Variants in CLCC1 observed in about 807,000 individuals in gnomAD.
The protein encoded by CLCC1 is chloride channel CLIC like 1.
A neutral mutation model predicts 63.3 loss-of-function variants in CLCC1; 39 were observed. The ratio of observed to expected loss-of-function variants is 0.62; its 90% CI spans 0.48 to 0.81. The LOEUF (loss-of-function observed/expected upper bound fraction) is 0.81, where lower values mean the gene tolerates loss of function less well. Ranked by LOEUF, CLCC1 falls within the 30% of genes least tolerant of loss-of-function variation. The pLI is 0.00. For missense variants in CLCC1, 549 were observed against 669.4 expected (o/e 0.82, Z 1.98); for synonymous variants, 217 against 239.8 (o/e 0.90, Z 0.88).
At chr1:108,947,122 C>T (rs1028773239) in intron 5 of CLCC1, among the ~76,000 whole-genome samples, 3 of 151,576 alleles carry the variant, frequency 2.0e-5, no homozygotes, top group Admixed American at 1.3e-4. Context: ...CAAGATTGCA[C>T]GACGGTACTC....
rs762290790 is a variant in CLCC1 at position 108,947,691 on chromosome 1, C to T, written c.259G>A (p.Glu87Lys). 9.9e-6 allele frequency: 16 copies of T among 1,609,404 alleles called. No individual in the cohort carries two copies. In the East Asian group the frequency reaches 2.2e-4, roughly 22 times the overall value. The change falls in exon 5 of 13, where the codon GAA becomes AAA. Residue 87 changes from glutamate to lysine, a missense_variant. Physicochemically the swap from Glu to Lys is moderately conservative, Grantham distance 56 (BLOSUM62 1). Coordinates refer to ENST00000369969, the MANE Select transcript of CLCC1 (RefSeq NM_001377458.1). ...GGATTGCTTTGACTTTCATAGTCTT[C>T]CCTCTTTTTCTTTTCACACTCATCA... ...KIDECEKKKR[E>K]DYESQSNPVF...
chr1:108,935,672 A>C (rs1652811567), intron 11 of CLCC1, among the ~76,000 whole-genome samples: 1 of 152,226 alleles, frequency 6.6e-6, no homozygotes, highest in African/African-American at 2.4e-5. Flanking sequence ...AGGCTGAGGC[A>C]AAAGAATCGG....
At chr1:108,937,778 T>C (rs1023953909) in intron 10 of CLCC1, among the ~76,000 whole-genome samples, 1 of 152,234 alleles carries the variant, frequency 6.6e-6, no homozygotes, top group Non-Finnish European at 1.5e-5. Flanking sequence ...GCTGAAAATA[T>C]TTAAAGTTGT....
At chr1:108,936,542 T>C (rs1183805772) in intron 11 of CLCC1, among the ~76,000 whole-genome samples, 1 of 152,230 alleles carries the variant, frequency 6.6e-6, no homozygotes, top group Non-Finnish European at 1.5e-5. Flanking sequence ...TACAAATTCC[T>C]CTCTCAAACA....
chr1:108,960,118 A>G (rs749360943), intron 2 of CLCC1, among the ~76,000 whole-genome samples: 2 of 152,212 alleles, frequency 1.3e-5, no homozygotes, highest in Non-Finnish European at 2.9e-5. Context: ...TGGGTGACAG[A>G]GCAAGACCCT....
At chr1:108,934,052 T>C (rs1467196649) in intron 12 of CLCC1, 1 of 152,302 alleles carries the variant, frequency 6.6e-6, no homozygotes, top group Non-Finnish European at 1.5e-5. Context: ...CAAGCTATGT[T>C]ATCTAAATTG....
Position 108,931,400 on chromosome 1 carries a change from G to A in CLCC1, c.*1147C>T, listed in dbSNP as rs547967184. On this transcript the variant is annotated 3_prime_UTR_variant, in exon 13 of 13. Transcript: ENST00000369969. The stretch of plus-strand genomic sequence containing the variant: ...AGTATGGGACAGACTGGGACCTGGA[G>A]TAACACTGGATCACAGACTGCAAAG... The A allele has an allele frequency of 1.9e-5, 29 of 1,548,942 alleles. No homozygotes were observed. In the African/African-American group the frequency reaches 3.5e-4, roughly 19 times the overall value.
At chr1:108,952,449 G>A (rs548028224) in intron 2 of CLCC1, among the ~76,000 whole-genome samples, 1 of 152,150 alleles carries the variant, frequency 6.6e-6, no homozygotes, top group East Asian at 1.9e-4. Context: ...GGGATTATAG[G>A]CATGAGCCAC....
At chr1:108,946,443 G>A (rs926076654) in intron 5 of CLCC1, among the ~76,000 whole-genome samples, 1 of 152,058 alleles carries the variant, frequency 6.6e-6, no homozygotes, top group African/African-American at 2.4e-5. Context: ...CAGAGTGTAC[G>A]TATGAGAACG....
chr1:108,954,817 C>CGTGT (rs58482013), intron 2 of CLCC1, among the ~76,000 whole-genome samples: 5,723 of 140,518 alleles, frequency 0.041, 188 homozygotes, highest in South Asian at 0.078. Flanking sequence ...ACTGTCTTTG[C>CGTGT]GTGTGTGTGT....
intron 1 of CLCC1, among the ~76,000 whole-genome samples, chr1:108,963,146 C>G (rs1354604130): frequency 6.6e-6 from 1 of 152,236 alleles, no homozygotes; most frequent in East Asian, 1.9e-4. Flanking sequence ...CGCGCGCAAC[C>G]GCGGCGGACA....
chr1:108,947,174 G>A (rs1654657140), intron 5 of CLCC1, among the ~76,000 whole-genome samples: 2 of 151,790 alleles, frequency 1.3e-5, no homozygotes, highest in South Asian at 4.2e-4. Context: ...AAAAAAAAAA[G>A]GAAATTTTAA....
chr1:108,957,937 G>A (rs2101721060), intron 2 of CLCC1, among the ~76,000 whole-genome samples: 1 of 151,522 alleles, frequency 6.6e-6, no homozygotes, highest in East Asian at 1.9e-4. Flanking sequence ...TCGGGGATCA[G>A]AAAGAAGAGG....
In CLCC1 at chr1:108,930,432, G is replaced by T. The variant is rs17031017; in HGVS notation, c.*2115C>A. 3,216 of 153,688 alleles carry T rather than the reference G, an allele frequency of 0.021. 109 individuals are homozygous for T. Among genetic ancestry groups the T allele is most frequent in the African/African-American group, 0.072 (2,985 of 41,428 alleles). 9.5% of individuals were successfully genotyped at this position (153,688 alleles called of 1,614,324 possible). A position where few individuals can be genotyped will look rare whatever the true frequency, so the allele number is the denominator to read the frequency against. ...GTTTTTTTTTCCTCCATGAAAATCT[G>T]TTTTTTTAGGCCAAAGTCAGTATAA... On this transcript the variant is annotated 3_prime_UTR_variant, in exon 13 of 13. Transcript: ENST00000369969.
At chr1:108,958,568 G>GA (rs1656221255) in intron 2 of CLCC1, among the ~76,000 whole-genome samples, 1 of 151,604 alleles carries the variant, frequency 6.6e-6, no homozygotes, top group Non-Finnish European at 1.5e-5. Context: ...TCCTTTAAGT[G>GA]AAAAAGTGAA....
In CLCC1 at chr1:108,929,531, AG is replaced by A. The variant is rs1651520589; in HGVS notation, c.*3015del. On this transcript the variant is annotated 3_prime_UTR_variant, in exon 13 of 13. Transcript: ENST00000369969. Reference sequence around the variant, plus strand: ...TTCAGGTTTAAAGATTATTTCTTTCAGAAATCAGGCTGGGAACTAAAGAGAA... The same window carrying A: ...TTCAGGTTTAAAGATTATTTCTTTCAAAATCAGGCTGGGAACTAAAGAGAA... 3.0e-6 allele frequency: 2 copies of A among 658,638 alleles called. No individual in the cohort carries two copies. Among genetic ancestry groups the A allele is most frequent in the Non-Finnish European group, 5.3e-6 (2 of 379,790 alleles). The allele number at this position is 658,638 out of a possible 1,614,324, so 40.8% of individuals were successfully genotyped here.
Position 108,931,592 on chromosome 1 carries a change from G to A in CLCC1, c.*955C>T. 2.3e-6 allele frequency: 3 copies of A among 1,296,882 alleles called. No homozygotes were observed. Among genetic ancestry groups the A allele is most frequent in the Non-Finnish European group, 3.0e-6 (3 of 987,616 alleles). 80.3% of individuals were successfully genotyped at this position (1,296,882 alleles called of 1,614,324 possible). A position where few individuals can be genotyped will look rare whatever the true frequency, so the allele number is the denominator to read the frequency against. On this transcript the variant is annotated 3_prime_UTR_variant, in exon 13 of 13. Transcript: ENST00000369969. ...CTCTAATGGCCAATGTTTTTTAAGAGTCATAACCTGGAATTAATTACATTA... is the reference window on the plus strand; with the variant it reads ...CTCTAATGGCCAATGTTTTTTAAGAATCATAACCTGGAATTAATTACATTA...
intron 2 of CLCC1, 64 bp from the exon 3 acceptor site, chr1:108,950,512 G>GTTATTA (rs34131552): frequency 1.0e-3 from 673 of 660,914 alleles, no homozygotes; most frequent in South Asian, 3.4e-3. Flanking sequence ...TGGGTTTTGG[G>GTTATTA]TTATTATTAT....
rs770048031 is a variant in CLCC1 at position 108,939,710 on chromosome 1, T to TA, written c.966dup (p.Ile323TyrfsTer2). On this transcript the variant is annotated frameshift_variant, in exon 10 of 13. Transcript: ENST00000369969. LOFTEE classifies it high-confidence loss of function. The stretch of plus-strand genomic sequence containing the variant: ...GGAATTTCCTTCATGAGTGCTTTAA[T>TA]AAATTCCCCAGTTCCTTTTCCAATA... The TA allele has an allele frequency of 6.2e-7, 1 of 1,614,202 alleles. No individual in the cohort carries two copies. The highest frequency in any genetic ancestry group is 1.1e-5 in the South Asian group (1 of 91,086).
Sources: gnomAD v4.1 joint callset for allele counts (sites outside exome capture counted in the v4.1 genomes callset) on GRCh38, gnomAD v4.1.1 for gene constraint, MANE v1.5 for transcripts, NCBI Gene and HGNC (gene_info 2026-07-23, HGNC 2026-07-21) for gene names.